CLASP2: variants seen among roughly 807,000 people sequenced by gnomAD.
The protein encoded by CLASP2 is cytoplasmic linker associated protein 2.
CLASP2 carries 47 observed loss-of-function variants against 194.4 expected under a neutral mutation model. That is an observed-to-expected ratio of 0.24 (90% confidence interval 0.19 to 0.31). The LOEUF is 0.31. CLASP2 is among the 10% of genes least tolerant of loss of function. The pLI is 1.00. For synonymous variants in CLASP2, 619 were observed against 633.5 expected (o/e 0.98, Z 0.34); for missense variants, 1,445 against 1,823.6 (o/e 0.79, Z 3.78).
intron 1 of CLASP2, among the ~76,000 whole-genome samples, chr3:33,716,799 G>C (rs547908257): frequency 3.3e-4 from 50 of 152,180 alleles, no homozygotes; most frequent in South Asian, 8.3e-4. Context: ...ACTCATCTGG[G>C]CTTTACCATT....
At position 33,632,212 on chromosome 3, in the gene CLASP2, C is replaced by G. The variant is rs139256385; in HGVS notation, c.942+80G>C. ...ATAGCTATATAAGGAAAAAAGAATT[C>G]TTAAAAAGGGACAGAGACAAATAAT... On this transcript the variant is annotated intron_variant, in intron 9 of 38. Coordinates refer to ENST00000682230, the MANE Select transcript of CLASP2 (RefSeq NM_001365631.1). 1.0e-5 allele frequency: 9 copies of G among 857,200 alleles called. No homozygotes were observed. The Admixed American group carries it at 3.3e-4, about 31-fold the overall frequency. 53.1% of individuals were successfully genotyped at this position (857,200 alleles called of 1,614,324 possible). A position where few individuals can be genotyped will look rare whatever the true frequency, so the allele number is the denominator to read the frequency against.
chr3:33,567,673 G>A (rs965310541), intron 26 of CLASP2, among the ~76,000 whole-genome samples: 2 of 152,034 alleles, frequency 1.3e-5, no homozygotes, highest in African/African-American at 4.8e-5. Context: ...TACATGAGGT[G>A]GATATTACTA....
At chr3:33,587,484 T>C (rs1294719760) in intron 21 of CLASP2, among the ~76,000 whole-genome samples, 1 of 152,220 alleles carries the variant, frequency 6.6e-6, no homozygotes, top group Non-Finnish European at 1.5e-5. Context: ...TTTATATTAA[T>C]GCTTAATTCT....
chr3:33,555,393 TCTC>T (rs1396291150), intron 29 of CLASP2, among the ~76,000 whole-genome samples: 4 of 150,036 alleles, frequency 2.7e-5, no homozygotes, highest in Non-Finnish European at 4.4e-5. Flanking sequence ...TGAGATAAGG[TCTC>T]ATTCTGTCAC....
rs112703861 is a variant in CLASP2 at position 33,603,862 on chromosome 3, T to C, written c.1750+292A>G. ...GGTCAGGAGTTTTATAAACTGTGAG[T>C]TATGACCCATTAATAGGTTGTAAAA... On this transcript the variant is annotated intron_variant, in intron 17 of 38. Coordinates refer to ENST00000682230, the MANE Select transcript of CLASP2 (RefSeq NM_001365631.1). Among the ~76,000 whole-genome samples the C allele has an allele frequency of 1.8e-3, 275 of 152,210 alleles. 1 individual carries two copies. The highest frequency in any genetic ancestry group is 6.1e-3 in the African/African-American group (253 of 41,542).
At chr3:33,540,953 A>G (rs1356821328) in intron 32 of CLASP2, among the ~76,000 whole-genome samples, 3 of 151,852 alleles carry the variant, frequency 2.0e-5, no homozygotes, top group African/African-American at 7.3e-5. Context: ...TTGTACTATT[A>G]GTAGAGATGG....
chr3:33,613,573 C>A (rs748648205), intron 12 of CLASP2, among the ~76,000 whole-genome samples: 44 of 152,154 alleles, frequency 2.9e-4, no homozygotes, highest in Non-Finnish European at 5.9e-4. Context: ...AAATGAAAAC[C>A]CTTTTTTCAG....
chr3:33,674,781 A>G (rs1370258119), intron 6 of CLASP2, among the ~76,000 whole-genome samples: 1 of 152,196 alleles, frequency 6.6e-6, no homozygotes, highest in African/African-American at 2.4e-5. Flanking sequence ...CAGAAATACA[A>G]ACTACCATCA....
intron 27 of CLASP2, among the ~76,000 whole-genome samples, chr3:33,565,603 G>A (rs1164208276): frequency 1.3e-5 from 2 of 151,152 alleles, no homozygotes; most frequent in African/African-American, 4.9e-5. Flanking sequence ...ACCTGAGGTC[G>A]GGAGTTCGAG....
chr3:33,521,591 C>A (rs993882636), intron 34 of CLASP2, among the ~76,000 whole-genome samples: 18 of 152,188 alleles, frequency 1.2e-4, no homozygotes, highest in Non-Finnish European at 2.9e-5. Context: ...TAAGGAAAGA[C>A]TGAACACTGG....
intron 34 of CLASP2, among the ~76,000 whole-genome samples, chr3:33,519,178 G>A (rs2052263949): frequency 6.6e-6 from 1 of 152,170 alleles, no homozygotes; most frequent in Non-Finnish European, 1.5e-5. Context: ...TTTTGTGGCA[G>A]TGCTCAAGAA....
rs1472833153 is a variant in CLASP2, at chr3:33,718,196, C to A, written c.-194G>T. 8.0e-6 allele frequency: 3 copies of A among 376,494 alleles called. No individual in the cohort carries two copies. Among genetic ancestry groups the A allele is most frequent in the Non-Finnish European group, 1.4e-5 (3 of 213,268 alleles). 23.3% of individuals were successfully genotyped at this position (376,494 alleles called of 1,614,324 possible). On this transcript the variant is annotated 5_prime_UTR_variant, in exon 1 of 39. Transcript: ENST00000682230. ...GCCCCCAAACTAGTCAAACTCGGCG[C>A]CCCCCGATCCCCAGCCCGCTTCAGA...
intron 24 of CLASP2, chr3:33,574,449 G>T: frequency 7.0e-7 from 1 of 1,432,588 alleles, no homozygotes; most frequent in Non-Finnish European, 9.3e-7. Context: ...ATCATAAGAT[G>T]TCAGAAAATA....
intron 1 of CLASP2, among the ~76,000 whole-genome samples, chr3:33,701,600 G>C (rs2092381810): frequency 6.6e-6 from 1 of 152,014 alleles, no homozygotes; most frequent in African/African-American, 2.4e-5. Flanking sequence ...TGTCTCAAAA[G>C]AACAAACAAA....
chr3:33,630,228 G>A (rs563020325), intron 9 of CLASP2, among the ~76,000 whole-genome samples: 78 of 152,248 alleles, frequency 5.1e-4, no homozygotes, highest in Admixed American at 9.2e-4. Context: ...CATCTGTACT[G>A]TCATAGCCTC....
rs748612006 is a variant in CLASP2, at chr3:33,535,480, A to T, written c.3559-19T>A. 1 of 1,575,026 alleles carries T rather than the reference A, an allele frequency of 6.3e-7. No individual in the cohort carries two copies. On this transcript the variant is annotated intron_variant, in intron 33 of 38. Transcript: ENST00000682230. Reference sequence around the variant, plus strand: ...CACACATCTATCAATGGGAAGTGAAAGCCACAGCAAATTAACTCATTTTTC... The same window carrying T: ...CACACATCTATCAATGGGAAGTGAATGCCACAGCAAATTAACTCATTTTTC...
intron 34 of CLASP2, among the ~76,000 whole-genome samples, chr3:33,520,692 C>T (rs1485404989): frequency 1.3e-5 from 2 of 152,022 alleles, no homozygotes; most frequent in East Asian, 1.9e-4. Flanking sequence ...TTAAAGATAA[C>T]GAAAGCTAGG....
intron 1 of CLASP2, among the ~76,000 whole-genome samples, chr3:33,699,054 T>G (rs1242371856): frequency 6.6e-6 from 1 of 152,192 alleles, no homozygotes; most frequent in Admixed American, 6.6e-5. Flanking sequence ...ACAAATAATT[T>G]TTTAAATGCA....
chr3:33,551,763 G>C (rs1034426490), intron 29 of CLASP2, among the ~76,000 whole-genome samples: 1 of 152,174 alleles, frequency 6.6e-6, no homozygotes, highest in Non-Finnish European at 1.5e-5. Flanking sequence ...AGACTATCTT[G>C]ACAAGATTAT....
Sources: gnomAD v4.1 joint callset for allele counts (sites outside exome capture counted in the v4.1 genomes callset) on GRCh38, gnomAD v4.1.1 for gene constraint, MANE v1.5 for transcripts, NCBI Gene and HGNC (gene_info 2026-07-23, HGNC 2026-07-21) for gene names.